Variants in STAG3 observed in about 807,000 individuals in gnomAD.
STAG3 encodes cohesin subunit SA-3.
Under a neutral mutation model 160.7 loss-of-function variants are expected in STAG3, and 101 were observed. That is an observed-to-expected ratio of 0.63 (90% CI 0.54 to 0.74). The LOEUF (loss-of-function observed/expected upper bound fraction) is 0.74, where lower values mean the gene tolerates loss of function less well. STAG3 is among the 30% of genes least tolerant of loss of function. STAG3 has a pLI of 0.00. For synonymous variants in STAG3, 519 were observed against 585.0 expected (o/e 0.89, Z 1.63); for missense variants, 1,188 against 1,517.4 (o/e 0.78, Z 3.61).
intron 5 of STAG3, among the ~76,000 whole-genome samples, chr7:100,187,347 G>T (rs1445780499): frequency 4.0e-5 from 6 of 149,002 alleles, no homozygotes; most frequent in African/African-American, 1.5e-4. Context: ...TTTTTTTTTT[G>T]TCGTTGTTGT....
At chr7:100,183,435 C>A (rs1302068039) in intron 4 of STAG3, among the ~76,000 whole-genome samples, 1 of 152,204 alleles carries the variant, frequency 6.6e-6, no homozygotes, top group Non-Finnish European at 1.5e-5. Flanking sequence ...TGGGTGGCAC[C>A]TTGTTCACCC....
chr7:100,192,531 A>C (rs1225357236), intron 8 of STAG3, among the ~76,000 whole-genome samples: 1 of 152,158 alleles, frequency 6.6e-6, no homozygotes, highest in Non-Finnish European at 1.5e-5. Flanking sequence ...CTCAAAAATA[A>C]ATAAAATAAA....
In STAG3 at chr7:100,213,990, C is replaced by T; in HGVS notation, c.3673-17C>T. On this transcript the variant is annotated splice_polypyrimidine_tract_variant and intron_variant, in intron 33 of 33. Coordinates refer to ENST00000615138, the MANE Select transcript of STAG3 (RefSeq NM_001282717.2). ...GTTGCTGTGTCCTGTGTATTCCTTT[C>T]ATCTTTCTCATTATAGGATTTCTGA... 3.6e-5 allele frequency: 58 copies of T among 1,614,106 alleles called. No individual in the cohort carries two copies. The highest frequency in any genetic ancestry group is 4.8e-5 in the Non-Finnish European group (57 of 1,180,032).
At chr7:100,188,715 A>G (rs1453131074) in intron 6 of STAG3, 97 bp from the exon 7 acceptor site, 32 of 1,301,982 alleles carry the variant, frequency 2.5e-5, no homozygotes, top group Middle Eastern at 2.1e-4. Flanking sequence ...GGTATAACAG[A>G]TATTTTTACT....
At chr7:100,195,200 A>C in intron 8 of STAG3, 109 bp from the exon 9 acceptor site, 4 of 936,506 alleles carry the variant, frequency 4.3e-6, no homozygotes, top group Non-Finnish European at 7.0e-6. Context: ...GGTTCACACT[A>C]TCCTATAATA....
At chr7:100,199,899 CAAAAAA>C (rs11383220) in intron 16 of STAG3, among the ~76,000 whole-genome samples, 3 of 122,284 alleles carry the variant, frequency 2.5e-5, no homozygotes, top group Admixed American at 2.4e-4. Flanking sequence ...ACTAAAAATA[CAAAAAA>C]AAAAAAAAAA....
In STAG3 at chr7:100,211,461, G is replaced by A. The variant is rs1802197374; in HGVS notation, c.3440G>A (p.Arg1147Lys). Residue 1147 changes from arginine to lysine, a missense_variant, in exon 31 of 34, where the codon AGG becomes AAG. Physicochemically the swap from Arg to Lys is conservative, Grantham distance 26 (BLOSUM62 2). Transcript: ENST00000615138. ...AGTCAGCCCGTCGCAGGCACCGAGA[G>A]GTCAAGGTTCTTGGGTCCACAATAT... is the stretch of plus-strand genomic sequence containing the variant. ...QGSQPVAGTE[R>K]SRFLGPQYFQ... 2.5e-6 allele frequency: 4 copies of A among 1,613,952 alleles called. No homozygotes were observed. Among genetic ancestry groups the A allele is most frequent in the Non-Finnish European group, 2.5e-6 (3 of 1,180,002 alleles).
In STAG3 at chr7:100,202,471, C is replaced by A; in HGVS notation, c.2581C>A (p.His861Asn). Residue 861 changes from histidine to asparagine, a missense_variant, in exon 25 of 34, where the codon CAT becomes AAT. Coordinates refer to ENST00000615138, the MANE Select transcript of STAG3 (RefSeq NM_001282717.2). The stretch of plus-strand genomic sequence containing the variant: ...TGAGCCAGGTGATTCCCAGGAGGAT[C>A]ATTTACAGATAGAGCGGCTACACCA... ...DLGSGDSQED[H>N]LQIERLHQRR... The A allele has an allele frequency of 6.2e-7, 1 of 1,613,874 alleles. No individual in the cohort carries two copies. Among genetic ancestry groups the A allele is most frequent in the Non-Finnish European group, 8.5e-7 (1 of 1,179,864 alleles).
At chr7:100,199,509 AT>A in intron 15 of STAG3, 31 bp from the exon 16 acceptor site, 1 of 1,581,154 alleles carries the variant, frequency 6.3e-7, no homozygotes, top group Admixed American at 1.8e-5. Flanking sequence ...CTAATCTTTG[AT>A]TCTATGTTTT....
rs1391162533 is a variant in STAG3 at position 100,197,827 on chromosome 7, G to A, written c.1115G>A (p.Gly372Asp). 5.0e-6 allele frequency: 8 copies of A among 1,613,740 alleles called. No homozygotes were observed. The highest frequency in any genetic ancestry group is 2.7e-5 in the African/African-American group (2 of 74,808). Residue 372 changes from glycine (G) to aspartate (D), a missense_variant, in exon 11 of 34, where the codon GGT (glycine) becomes GAT (aspartate). Coordinates refer to ENST00000615138, the MANE Select transcript of STAG3 (RefSeq NM_001282717.2). ...GTGAAGGCCCTGAAAGGGCTGTACGGTAACCGGGACCTGACCACACGCCTG... is the reference window on the plus strand; with the variant it reads ...GTGAAGGCCCTGAAAGGGCTGTACGATAACCGGGACCTGACCACACGCCTG... Reference protein sequence around the residue: ...KCVKALKGLYGNRDLTTRLEL... With the variant: ...KCVKALKGLYDNRDLTTRLEL...
intron 1 of STAG3, among the ~76,000 whole-genome samples, chr7:100,178,424 GTCT>G (rs1187943512): frequency 2.0e-5 from 3 of 151,948 alleles, no homozygotes; most frequent in Non-Finnish European, 4.4e-5. Flanking sequence ...AAAGCCTGGG[GTCT>G]TCTTGTATTT....
chr7:100,204,853 A>G, intron 27 of STAG3, 78 bp downstream of exon 27: 1 of 1,569,026 alleles, frequency 6.4e-7, no homozygotes, highest in Non-Finnish European at 8.7e-7. Context: ...GAGGGAGGGT[A>G]TGTGTGTCAA....
chr7:100,216,829 G>A (rs1218455136), downstream of STAG3, among the ~76,000 whole-genome samples: 2 of 152,050 alleles, frequency 1.3e-5, no homozygotes, highest in African/African-American at 2.4e-5. Context: ...TAACTGCCAG[G>A]AGTACCTCTC....
chr7:100,211,783 C>A lies in STAG3; in HGVS notation c.3519-12C>A, dbSNP rs771021622. The A allele has an allele frequency of 6.2e-7, 1 of 1,613,302 alleles. No individual in the cohort carries two copies. Among genetic ancestry groups the A allele is most frequent in the South Asian group, 1.1e-5 (1 of 90,968 alleles). On this transcript the variant is annotated splice_polypyrimidine_tract_variant and intron_variant, in intron 31 of 33. Coordinates refer to ENST00000615138, the MANE Select transcript of STAG3 (RefSeq NM_001282717.2). ...ACAGTTTGAAAAGCCAGTCTCTTTG[C>A]CCCTACATCAGACTCAGCCTTATGG...
intron 13 of STAG3, 71 bp from the exon 14 acceptor site, chr7:100,198,772 C>T (rs1381471787): frequency 2.1e-6 from 3 of 1,407,958 alleles, no homozygotes; most frequent in African/African-American, 1.4e-5. Context: ...GGGCCATCTC[C>T]TCCCTCTGTG....
rs951926635 is a variant in STAG3, at chr7:100,189,658, G to T, written c.867+62G>T. ...CCAACTTGCACCCACTTCTGCCACA[G>T]ACCCCCTTATCAGGCCCTGGGCAGT... On this transcript the variant is annotated intron_variant, in intron 8 of 33. Coordinates refer to ENST00000615138, the MANE Select transcript of STAG3 (RefSeq NM_001282717.2). The T allele has an allele frequency of 3.5e-5, 55 of 1,562,396 alleles. 2 individuals carry two copies. In the South Asian group the frequency reaches 4.0e-4, roughly 11 times the overall value.
chr7:100,210,974 C>A (rs768751303), intron 29 of STAG3, 37 bp from the exon 30 acceptor site: 7 of 1,599,846 alleles, frequency 4.4e-6, no homozygotes, highest in Non-Finnish European at 6.0e-6. Flanking sequence ...CTGTCGCAGG[C>A]CCTGGGCTGT....
At chr7:100,193,832 T>A (rs1386058523) in intron 8 of STAG3, among the ~76,000 whole-genome samples, 1 of 152,244 alleles carries the variant, frequency 6.6e-6, no homozygotes, top group Non-Finnish European at 1.5e-5. Flanking sequence ...GTAGCATTTT[T>A]AATTTCTTTC....
intron 9 of STAG3, among the ~76,000 whole-genome samples, chr7:100,195,933 C>T (rs553070548): frequency 9.9e-5 from 15 of 152,240 alleles, no homozygotes; most frequent in Admixed American, 3.9e-4. Context: ...AGTTCACAAC[C>T]AGCCTGACCA....
Sources: allele counts gnomAD v4.1 joint callset (sites outside exome capture counted in the v4.1 genomes callset), GRCh38; gene constraint gnomAD v4.1.1; transcripts MANE v1.5; gene names NCBI Gene and HGNC (gene_info 2026-07-23, HGNC 2026-07-21).